SAMMSON: variants seen among roughly 807,000 people sequenced by gnomAD.
The protein encoded by SAMMSON is long intergenic non-protein coding RNA 1212.
chr3:70,163,230 C>T (rs2067623349), intron 4 of SAMMSON, among the ~76,000 whole-genome samples: 1 of 150,962 alleles, frequency 6.6e-6, no homozygotes, highest in South Asian at 2.1e-4. Flanking sequence ...TTTGTGCCAC[C>T]ACTACTGCCC....
intron 4 of SAMMSON, among the ~76,000 whole-genome samples, chr3:70,132,340 T>C (rs2067485947): frequency 2.0e-5 from 3 of 152,194 alleles, no homozygotes; most frequent in African/African-American, 7.2e-5. Flanking sequence ...TTTGGCTGTA[T>C]AGGCCCTAAT....
At chr3:70,386,648 A>G (rs1281544958) in intron 9 of SAMMSON, among the ~76,000 whole-genome samples, 2 of 152,046 alleles carry the variant, frequency 1.3e-5, no homozygotes, top group Admixed American at 6.6e-5. Flanking sequence ...TTAGAAAATA[A>G]TTTCTGAAAT....
At chr3:70,037,439 GACT>G (rs1443610510) in intron 3 of SAMMSON, among the ~76,000 whole-genome samples, 1 of 152,054 alleles carries the variant, frequency 6.6e-6, no homozygotes, top group East Asian at 1.9e-4. Context: ...CCTCCGCCCC[GACT>G]ACTTTTATCT....
intron 7 of SAMMSON, among the ~76,000 whole-genome samples, chr3:70,353,723 A>G (rs1702810651): frequency 2.0e-5 from 3 of 152,198 alleles, no homozygotes; most frequent in Admixed American, 2.0e-4. Flanking sequence ...TTGGGCATTT[A>G]TCCCAGAGAA....
intron 6 of SAMMSON, among the ~76,000 whole-genome samples, chr3:70,289,277 T>C (rs1702202471): frequency 6.6e-6 from 1 of 151,580 alleles, no homozygotes; most frequent in African/African-American, 2.4e-5. Context: ...TCTCTCAGCA[T>C]TTGCTTGTCT....
At chr3:70,032,923 A>G (rs1452647016) in intron 3 of SAMMSON, among the ~76,000 whole-genome samples, 1 of 152,172 alleles carries the variant, frequency 6.6e-6, no homozygotes, top group Non-Finnish European at 1.5e-5. Flanking sequence ...GGCCTTTCAT[A>G]ATAGCTCCTC....
intron 3 of SAMMSON, among the ~76,000 whole-genome samples, chr3:70,027,567 C>T (rs1011877740): frequency 3.3e-5 from 5 of 152,156 alleles, no homozygotes; most frequent in African/African-American, 4.8e-5. Flanking sequence ...TTTACTAAAT[C>T]GAGCAAGTTG....
At chr3:70,203,844 C>G (rs547487891) in intron 4 of SAMMSON, among the ~76,000 whole-genome samples, 148 of 152,156 alleles carry the variant, frequency 9.7e-4, no homozygotes, top group African/African-American at 3.5e-3. Context: ...ATATTTCTGA[C>G]TTTCTTATCC....
At chr3:70,384,638 C>T (rs1703105339) in intron 9 of SAMMSON, among the ~76,000 whole-genome samples, 3 of 152,018 alleles carry the variant, frequency 2.0e-5, no homozygotes, top group Admixed American at 2.0e-4. Context: ...ATAGCAGGGG[C>T]CCCGCAACAT....
chr3:70,049,287 A>G (rs2067137795), intron 3 of SAMMSON, among the ~76,000 whole-genome samples: 1 of 152,136 alleles, frequency 6.6e-6, no homozygotes, highest in Admixed American at 6.6e-5. Context: ...CATCTCACCT[A>G]GCATTCTCAC....
chr3:70,001,214 A>G lies in SAMMSON; in HGVS notation n.22+1347A>G, dbSNP rs190262390. 3.3e-3 allele frequency among the ~76,000 whole-genome samples: 504 copies of G among 152,240 alleles called. 2 individuals carry two copies. The highest frequency in any genetic ancestry group is 5.4e-3 in the Non-Finnish European group (367 of 68,006). ...TATCCTTAACCCTTTTTAATTGCAT[A>G]AAAACTTCAGGCACTTGAAAAAAAT... On this transcript the variant is annotated intron_variant and non_coding_transcript_variant, in intron 1 of 9. Coordinates refer to ENST00000642114, the Ensembl canonical transcript of SAMMSON.
intron 4 of SAMMSON, among the ~76,000 whole-genome samples, chr3:70,225,043 A>G (rs1323633014): frequency 6.6e-6 from 1 of 152,192 alleles, no homozygotes; most frequent in Non-Finnish European, 1.5e-5. Context: ...CTGTTTGGAA[A>G]ATATATTTCT....
intron 7 of SAMMSON, among the ~76,000 whole-genome samples, chr3:70,296,769 T>C (rs1702293080): frequency 6.6e-6 from 1 of 152,156 alleles, no homozygotes; most frequent in Admixed American, 6.6e-5. Context: ...TAAGCCCGAC[T>C]ATCAGCTTTC....
chr3:70,388,958 T>A (rs780402740), intron 9 of SAMMSON, among the ~76,000 whole-genome samples: 1 of 152,066 alleles, frequency 6.6e-6, no homozygotes, highest in East Asian at 1.9e-4. Flanking sequence ...GTTAATGCCA[T>A]CCCTTGGGGT....
chr3:70,125,166 C>T (rs2067451674), intron 4 of SAMMSON: 1 of 1,576,936 alleles, frequency 6.3e-7, no homozygotes, highest in East Asian at 2.2e-5. Flanking sequence ...CCATTAGCTT[C>T]CTTTAAGGCT....
intron 4 of SAMMSON, among the ~76,000 whole-genome samples, chr3:70,088,065 G>A (rs552251932): frequency 4.4e-4 from 67 of 152,212 alleles, no homozygotes; most frequent in Non-Finnish European, 8.4e-4. Flanking sequence ...CCTTCTTTCC[G>A]TTCTTTGGTT....
At chr3:70,059,778 C>G (rs1326374436) in intron 3 of SAMMSON, among the ~76,000 whole-genome samples, 1 of 152,034 alleles carries the variant, frequency 6.6e-6, no homozygotes, top group Admixed American at 6.6e-5. Flanking sequence ...TTAACCCCCC[C>G]AGTTGGCAAG....
At chr3:70,402,876 T>A (rs914751375) in intron 2 of SAMMSON, among the ~76,000 whole-genome samples, 1 of 151,914 alleles carries the variant, frequency 6.6e-6, no homozygotes, top group Non-Finnish European at 1.5e-5. Flanking sequence ...AATTACAAAA[T>A]ACATATATAT....
intron 7 of SAMMSON, chr3:70,291,304 C>T (rs1225975967): frequency 6.6e-6 from 1 of 152,016 alleles, no homozygotes; most frequent in Non-Finnish European, 1.5e-5. Context: ...ATAATAGCAG[C>T]CAACTCATTT....
Sources: allele counts gnomAD v4.1 joint callset (sites outside exome capture counted in the v4.1 genomes callset), GRCh38; gene constraint gnomAD v4.1.1; transcripts MANE v1.5; gene names NCBI Gene and HGNC (gene_info 2026-07-23, HGNC 2026-07-21).